The following OSBPL6 variants were observed in gnomAD, a reference collection of about 807,000 sequenced individuals.
The protein encoded by OSBPL6 is oxysterol-binding protein-related protein 6.
In OSBPL6, 49 loss-of-function variants were observed where a neutral mutation model predicts 125.8. The observed-to-expected ratio is 0.39, with a 90% CI of 0.31 to 0.49. OSBPL6 has a LOEUF of 0.49. Ranked by LOEUF, OSBPL6 falls within the 20% of genes least tolerant of loss-of-function variation. The pLI, the probability that OSBPL6 is intolerant of heterozygous loss-of-function variation, is 0.88. For missense variants in OSBPL6, 986 were observed against 1,135.4 expected (o/e 0.87, Z 1.89); for synonymous variants, 394 against 391.8 (o/e 1.01, Z -0.07).
intron 1 of OSBPL6, among the ~76,000 whole-genome samples, chr2:178,233,420 T>C (rs575276907): frequency 6.6e-6 from 1 of 152,360 alleles, no homozygotes; most frequent in Non-Finnish European, 1.5e-5. Flanking sequence ...TCCTCTGTGT[T>C]TGCTGAGGCT....
intron 5 of OSBPL6, among the ~76,000 whole-genome samples, chr2:178,330,269 C>A (rs1401466524): frequency 2.0e-5 from 3 of 152,212 alleles, no homozygotes; most frequent in Non-Finnish European, 2.9e-5. Context: ...GAATTGCTAA[C>A]TTTAATTTAG....
Position 178,194,522 on chromosome 2 carries a change from G to T in OSBPL6, c.-503G>T, listed in dbSNP as rs933506467. On this transcript the variant is annotated 5_prime_UTR_variant, in exon 1 of 25. Coordinates refer to ENST00000190611, the MANE Select transcript of OSBPL6 (RefSeq NM_032523.4). The stretch of plus-strand genomic sequence containing the variant: ...GTCGCCGCCGCCGCTGTCGGTGCTG[G>T]AGATCGCGGCTCGGTGCAGGCGGCG... 2 of 152,142 alleles carry T rather than the reference G, an allele frequency of 1.3e-5. No individual in the cohort carries two copies. The highest frequency in any genetic ancestry group is 4.8e-5 in the African/African-American group (2 of 41,428). The allele number at this position is 152,142 out of a possible 1,614,324, so 9.4% of individuals were successfully genotyped here. A position where few individuals can be genotyped will look rare whatever the true frequency, so the allele number is the denominator to read the frequency against.
At chr2:178,335,279 A>G (rs758617739) in intron 8 of OSBPL6, among the ~76,000 whole-genome samples, 8 of 152,104 alleles carry the variant, frequency 5.3e-5, no homozygotes, top group Admixed American at 3.9e-4. Context: ...ATATCTGAGA[A>G]TGGAAGACTA....
At chr2:178,234,821 C>T (rs1031938044) in intron 1 of OSBPL6, among the ~76,000 whole-genome samples, 8 of 152,152 alleles carry the variant, frequency 5.3e-5, no homozygotes, top group African/African-American at 1.7e-4. Context: ...GCTTGGGCCC[C>T]ACACCAAACA....
intron 3 of OSBPL6, chr2:178,323,797 G>A (rs1030594624): frequency 6.5e-6 from 1 of 154,054 alleles, no homozygotes; most frequent in African/African-American, 2.4e-5. Flanking sequence ...CTTTCTTTTT[G>A]TCTGTTGCTA....
intron 23 of OSBPL6, among the ~76,000 whole-genome samples, chr2:178,392,858 C>CA (rs57057224): frequency 0.059 from 3,717 of 62,874 alleles, 75 homozygotes; most frequent in African/African-American, 0.093. Context: ...GAGACCCTGG[C>CA]AAAAAAAAAA....
chr2:178,286,630 G>A (rs1223712755), intron 2 of OSBPL6, among the ~76,000 whole-genome samples: 1 of 152,116 alleles, frequency 6.6e-6, no homozygotes, highest in Non-Finnish European at 1.5e-5. Flanking sequence ...TTCCAGATGT[G>A]GAGGGTGTCA....
chr2:178,351,499 AT>A (rs1422972239), intron 12 of OSBPL6, among the ~76,000 whole-genome samples: 2 of 152,222 alleles, frequency 1.3e-5, no homozygotes, highest in Non-Finnish European at 2.9e-5. Context: ...ATAAAATAAA[AT>A]ACTTAGGAAT....
At chr2:178,301,225 A>G (rs1281614097) in intron 2 of OSBPL6, among the ~76,000 whole-genome samples, 1 of 152,078 alleles carries the variant, frequency 6.6e-6, no homozygotes, top group African/African-American at 2.4e-5. Context: ...GTTAAAAGGA[A>G]TGAAAAGGGT....
intron 1 of OSBPL6, among the ~76,000 whole-genome samples, chr2:178,267,353 CAAA>C (rs57444695): frequency 5.6e-4 from 46 of 81,760 alleles, no homozygotes; most frequent in African/African-American, 2.1e-3. Flanking sequence ...AACTCCATCT[CAAA>C]AAAAAAAAAA....
chr2:178,332,951 A>G lies in OSBPL6; in HGVS notation c.567A>G (p.Arg189=). 6.2e-7 allele frequency: 1 copy of G among 1,614,194 alleles called. No homozygotes were observed. Among genetic ancestry groups the G allele is most frequent in the Non-Finnish European group, 8.5e-7 (1 of 1,180,014 alleles). Residue 189 remains arginine (R), a synonymous_variant, in exon 8 of 25, where the codon AGA becomes AGG. Coordinates refer to ENST00000190611, the MANE Select transcript of OSBPL6 (RefSeq NM_032523.4). ...TGTATCGTCAGAATGAAATTGTGAG[A>G]TCACCAAGAGATGCTAGTTTTCACA... ...HRLYRQNEIV[R]SPRDASFHIF... is the part of the protein sequence containing the mutation.
At chr2:178,307,589 T>C (rs2154060182) in intron 3 of OSBPL6, among the ~76,000 whole-genome samples, 1 of 152,176 alleles carries the variant, frequency 6.6e-6, no homozygotes, top group South Asian at 2.1e-4. Flanking sequence ...AAAGTAAGAG[T>C]ACCAGGAATG....
At chr2:178,360,084 CAA>C (rs11298350) in intron 12 of OSBPL6, among the ~76,000 whole-genome samples, 28 of 149,526 alleles carry the variant, frequency 1.9e-4, no homozygotes, top group Non-Finnish European at 2.7e-4. Context: ...GACTCTGTCT[CAA>C]AAAAAAAAAG....
intron 1 of OSBPL6, among the ~76,000 whole-genome samples, chr2:178,261,956 CTA>C (rs1173235297): frequency 6.6e-6 from 1 of 152,134 alleles, no homozygotes; most frequent in Non-Finnish European, 1.5e-5. Context: ...CAGATGAGAG[CTA>C]TGTCACCATT....
Position 178,222,326 on chromosome 2 carries a change from C to T in OSBPL6, c.-351+27652C>T, listed in dbSNP as rs151062775. 2.0e-5 allele frequency among the ~76,000 whole-genome samples: 3 copies of T among 152,214 alleles called. No individual in the cohort carries two copies. In the East Asian group the frequency reaches 5.8e-4, roughly 29 times the overall value. On this transcript the variant is annotated intron_variant, in intron 1 of 24. Coordinates refer to ENST00000190611, the MANE Select transcript of OSBPL6 (RefSeq NM_032523.4). Reference sequence around the variant, plus strand: ...TACAGAGAGATTTCATAATCTTGGCCCAAAACAAAGGTTTGCTGATAAAAT... The same window carrying T: ...TACAGAGAGATTTCATAATCTTGGCTCAAAACAAAGGTTTGCTGATAAAAT...
At position 178,291,825 on chromosome 2, in the gene OSBPL6, CCATT is replaced by C. The variant is rs796245577; in HGVS notation, c.-156+6708_-156+6711del. Among the ~76,000 whole-genome samples the C allele has an allele frequency of 7.7e-4, 110 of 142,724 alleles. 2 individuals carry two copies. In the South Asian group the frequency reaches 0.01, roughly 13 times the overall value. 93.6% of individuals were successfully genotyped at this position (142,724 alleles called of 152,430 possible). ...TCCATCCATCCATCCATCCATCCAT[CCATT>C]CATCCTTGATGTCTTTTTCCTACAA... On this transcript the variant is annotated intron_variant, in intron 2 of 24. Transcript: ENST00000190611.
intron 15 of OSBPL6, among the ~76,000 whole-genome samples, chr2:178,381,544 A>G (rs893702828): frequency 4.1e-4 from 62 of 151,966 alleles, no homozygotes; most frequent in Admixed American, 1.3e-3. Context: ...TAGTAGAGAC[A>G]GGGTTTCACC....
intron 12 of OSBPL6, among the ~76,000 whole-genome samples, chr2:178,354,068 C>T (rs1691543910): frequency 6.6e-6 from 1 of 152,170 alleles, no homozygotes; most frequent in South Asian, 2.1e-4. Flanking sequence ...GCCTGCCTTA[C>T]ATGAGCTCCT....
In OSBPL6 at chr2:178,385,446, T is replaced by G; in HGVS notation, c.2014-12T>G. On this transcript the variant is annotated splice_polypyrimidine_tract_variant and intron_variant, in intron 18 of 24. Transcript: ENST00000190611. ...ACACTGATACTGCCTTTTTTTTGTT[T>G]TTAATTACCAGGTTAGCCATCATCC... 6.2e-7 allele frequency: 1 copy of G among 1,600,450 alleles called. No individual in the cohort carries two copies. The highest frequency in any genetic ancestry group is 8.5e-7 in the Non-Finnish European group (1 of 1,169,738).
Sources: allele counts gnomAD v4.1 joint callset (sites outside exome capture counted in the v4.1 genomes callset), GRCh38; gene constraint gnomAD v4.1.1; transcripts MANE v1.5; gene names NCBI Gene and HGNC (gene_info 2026-07-23, HGNC 2026-07-21).